The following GATB variants were observed in gnomAD, a reference collection of about 807,000 sequenced individuals.
The protein encoded by GATB is glutamyl-tRNA amidotransferase subunit B.
A neutral mutation model predicts 62.3 loss-of-function variants in GATB; 39 were observed. That is an observed-to-expected ratio of 0.63 (90% CI 0.48 to 0.82). The LOEUF is 0.82. GATB is among the 40% of genes least tolerant of loss of function. The pLI is 0.00. For synonymous variants in GATB, 276 were observed against 258.9 expected (o/e 1.07, Z -0.63); for missense variants, 670 against 684.0 (o/e 0.98, Z 0.23).
intron 2 of GATB, chr4:151,721,069 T>C (rs1456633321): frequency 6.6e-6 from 1 of 152,152 alleles, no homozygotes; most frequent in Non-Finnish European, 1.5e-5. Flanking sequence ...AAACCCCGTC[T>C]CTACTAAAAA....
chr4:151,719,401 G>A, intron 3 of GATB, 24 bp downstream of exon 3: 1 of 1,528,860 alleles, frequency 6.5e-7, no homozygotes, highest in Non-Finnish European at 9.1e-7. Flanking sequence ...ACTTGCAGTG[G>A]GGTGGATCAC....
chr4:151,725,318 G>A (rs1423150174), intron 2 of GATB, among the ~76,000 whole-genome samples: 1 of 152,246 alleles, frequency 6.6e-6, no homozygotes, highest in Non-Finnish European at 1.5e-5. Context: ...TAGCCTGCAG[G>A]AGCAGCCTCC....
At chr4:151,710,636 C>T (rs761487600) in intron 5 of GATB, among the ~76,000 whole-genome samples, 3 of 152,202 alleles carry the variant, frequency 2.0e-5, no homozygotes, top group Non-Finnish European at 4.4e-5. Flanking sequence ...GACGCCTCAG[C>T]AACATTTGAC....
intron 2 of GATB, among the ~76,000 whole-genome samples, chr4:151,754,107 T>C (rs1415729556): frequency 6.6e-6 from 1 of 152,146 alleles, no homozygotes; most frequent in Non-Finnish European, 1.5e-5. Flanking sequence ...TTCCTTGGAG[T>C]TTCTGGCCCT....
chr4:151,733,303 C>G (rs1188535045), intron 2 of GATB, among the ~76,000 whole-genome samples: 2 of 152,114 alleles, frequency 1.3e-5, no homozygotes, highest in African/African-American at 4.8e-5. Flanking sequence ...ACTGACACCA[C>G]TGAAATACAA....
chr4:151,746,107 C>T (rs960478610), intron 2 of GATB, among the ~76,000 whole-genome samples: 8 of 152,346 alleles, frequency 5.3e-5, no homozygotes, highest in African/African-American at 1.4e-4. Context: ...CAGCCAGCTA[C>T]GGCAGAGGCA....
chr4:151,713,312 C>A lies in GATB; in HGVS notation c.763+2697G>T, dbSNP rs1056098799. On this transcript the variant is annotated intron_variant, in intron 5 of 12. Transcript: ENST00000263985. Reference sequence around the variant, plus strand: ...TAATGCACTTGAATCATCCTGAAACCACCCCGCCTTCGGCCCCCCAAGTCC... The same window carrying A: ...TAATGCACTTGAATCATCCTGAAACAACCCCGCCTTCGGCCCCCCAAGTCC... Among the ~76,000 whole-genome samples, 3 of 152,122 alleles carry A rather than the reference C, an allele frequency of 2.0e-5. No homozygotes were observed. The South Asian group carries it at 6.2e-4, about 32-fold the overall frequency.
intron 5 of GATB, among the ~76,000 whole-genome samples, 166 bp downstream of exon 5, chr4:151,715,843 C>A (rs1336910926): frequency 1.3e-5 from 2 of 151,880 alleles, no homozygotes; most frequent in African/African-American, 4.8e-5. Context: ...TCTAAACAAA[C>A]AAACAAACAA....
intron 2 of GATB, among the ~76,000 whole-genome samples, chr4:151,743,972 T>C (rs372010607): frequency 3.6e-4 from 55 of 152,266 alleles, no homozygotes; most frequent in African/African-American, 1.3e-3. Flanking sequence ...GAGGAACACA[T>C]AACCATAAAA....
At chr4:151,731,724 G>A (rs1326468091) in intron 2 of GATB, among the ~76,000 whole-genome samples, 6 of 151,388 alleles carry the variant, frequency 4.0e-5, no homozygotes, top group Admixed American at 6.6e-5. Context: ...CCTCTGCCCC[G>A]CTGCCCCGTC....
At chr4:151,705,701 G>A (rs1410658298) in intron 6 of GATB, among the ~76,000 whole-genome samples, 1 of 152,158 alleles carries the variant, frequency 6.6e-6, no homozygotes, top group Non-Finnish European at 1.5e-5. Flanking sequence ...TGGAGAGAGG[G>A]TCCAGCATTT....
chr4:151,708,239 G>A (rs1738753234), intron 5 of GATB, 138 bp from the exon 6 acceptor site: 2 of 637,790 alleles, frequency 3.1e-6, no homozygotes, highest in Admixed American at 2.6e-5. Flanking sequence ...GAGAAGGCAC[G>A]GTTGGTTCTG....
intron 11 of GATB, chr4:151,673,134 C>T (rs1374572067): frequency 4.3e-6 from 2 of 467,132 alleles, no homozygotes; most frequent in Non-Finnish European, 7.7e-6. Flanking sequence ...GGAGTGAATG[C>T]ACCTGGGGTC....
At chr4:151,671,470 G>C (rs961709382) in intron 12 of GATB, among the ~76,000 whole-genome samples, 168 bp from the exon 13 acceptor site, 25 of 152,098 alleles carry the variant, frequency 1.6e-4, no homozygotes, top group African/African-American at 6.0e-4. Context: ...TTCTGAGTAG[G>C]TTTCTAGGCT....
At chr4:151,700,451 G>C (rs1286180169) in intron 9 of GATB, among the ~76,000 whole-genome samples, 1 of 152,190 alleles carries the variant, frequency 6.6e-6, no homozygotes, top group Non-Finnish European at 1.5e-5. Context: ...ACGTTGTACT[G>C]TAAATGCTAG....
intron 11 of GATB, among the ~76,000 whole-genome samples, chr4:151,678,356 T>C (rs77670467): frequency 4.9e-4 from 74 of 152,320 alleles, no homozygotes; most frequent in African/African-American, 1.7e-3. Flanking sequence ...TTTTGTTCTG[T>C]TGTGTTGTGG....
chr4:151,749,206 C>A (rs1300427721), intron 2 of GATB, among the ~76,000 whole-genome samples: 5 of 152,190 alleles, frequency 3.3e-5, no homozygotes, highest in Admixed American at 2.6e-4. Flanking sequence ...AAGACACATG[C>A]ACACGTATGT....
At chr4:151,735,645 C>T (rs1052197041) in intron 2 of GATB, among the ~76,000 whole-genome samples, 4 of 150,620 alleles carry the variant, frequency 2.7e-5, no homozygotes, top group Admixed American at 6.6e-5. Context: ...TACTTGCACA[C>T]GCATGTTTAT....
intron 2 of GATB, among the ~76,000 whole-genome samples, chr4:151,744,841 A>AT (rs1400717070): frequency 6.6e-6 from 1 of 152,228 alleles, no homozygotes; most frequent in African/African-American, 2.4e-5. Flanking sequence ...CACTGAGTTC[A>AT]TGGGAGACAT....
Sources: allele counts gnomAD v4.1 joint callset (sites outside exome capture counted in the v4.1 genomes callset), GRCh38; gene constraint gnomAD v4.1.1; transcripts MANE v1.5; gene names NCBI Gene and HGNC (gene_info 2026-07-23, HGNC 2026-07-21).